The following TAF3 variants were observed in gnomAD, a reference collection of about 807,000 sequenced individuals.
The protein encoded by TAF3 is transcription initiation factor TFIID subunit 3.
Under a neutral mutation model 80.6 loss-of-function variants are expected in TAF3, and 7 were observed. The observed-to-expected ratio is 0.09, with a 90% confidence interval of 0.05 to 0.16. The LOEUF is 0.16. Among genes scored for constraint, TAF3 ranks in the 10% least tolerant of loss-of-function variants. The pLI, the probability that TAF3 is intolerant of heterozygous loss-of-function variation, is 1.00. For synonymous variants in TAF3, 444 were observed against 446.1 expected (o/e 1.00, Z 0.06); for missense variants, 921 against 1,140.2 (o/e 0.81, Z 2.77).
At chr10:7,843,666 T>C (rs1235741209) in intron 2 of TAF3, among the ~76,000 whole-genome samples, 1 of 147,600 alleles carries the variant, frequency 6.8e-6, no homozygotes, top group East Asian at 2.0e-4. Context: ...TTTTGAGCAC[T>C]GTGATCAGTC....
chr10:7,887,674 A>G (rs1012792870), intron 2 of TAF3, among the ~76,000 whole-genome samples: 43 of 152,324 alleles, frequency 2.8e-4, no homozygotes, highest in African/African-American at 8.7e-4. Flanking sequence ...ATGCTGAATC[A>G]TCTGAAGTCT....
rs962843661 is a variant in TAF3 at position 7,864,862 on chromosome 10, C to T, written c.409+40302C>T. 8.6e-5 allele frequency among the ~76,000 whole-genome samples: 13 copies of T among 151,414 alleles called. 1 individual carries two copies. In the East Asian group the frequency reaches 2.5e-3, roughly 29 times the overall value. ...TTTTATGTTTTGTACTCTTTGTGCCCTAAGAAATCTTTGCCTAGCCTAAGA... is the reference window on the plus strand; with the variant it reads ...TTTTATGTTTTGTACTCTTTGTGCCTTAAGAAATCTTTGCCTAGCCTAAGA... On this transcript the variant is annotated intron_variant, in intron 2 of 6. Transcript: ENST00000344293.
At chr10:8,001,022 T>C (rs549621561) in intron 4 of TAF3, among the ~76,000 whole-genome samples, 39 of 152,376 alleles carry the variant, frequency 2.6e-4, no homozygotes, top group Admixed American at 2.4e-3. Flanking sequence ...GTTCATCATC[T>C]ATGTAACCGA....
chr10:7,934,854 C>G (rs1588557493), intron 2 of TAF3, among the ~76,000 whole-genome samples: 1 of 152,208 alleles, frequency 6.6e-6, no homozygotes, highest in East Asian at 1.9e-4. Context: ...CAAAAATATT[C>G]ATTGAGCCCC....
chr10:7,863,626 A>AAAAATATATATAT (rs1218836662), intron 2 of TAF3, among the ~76,000 whole-genome samples: 1 of 48,098 alleles, frequency 2.1e-5, no homozygotes. Flanking sequence ...AAAAAAAAAA[A>AAAAATATATATAT]ATATATATAT....
At chr10:7,900,321 T>C (rs2131170619) in intron 2 of TAF3, among the ~76,000 whole-genome samples, 1 of 152,366 alleles carries the variant, frequency 6.6e-6, no homozygotes. Flanking sequence ...ATTATACTTT[T>C]AATGGAGGCA....
intron 2 of TAF3, among the ~76,000 whole-genome samples, chr10:7,930,444 A>G (rs1231947959): frequency 6.6e-6 from 1 of 152,170 alleles, no homozygotes; most frequent in Non-Finnish European, 1.5e-5. Flanking sequence ...GTACAAATTG[A>G]TTTTTCTGCT....
chr10:7,883,301 G>A (rs1034945804), intron 2 of TAF3, among the ~76,000 whole-genome samples: 1 of 152,140 alleles, frequency 6.6e-6, no homozygotes, highest in African/African-American at 2.4e-5. Flanking sequence ...TAGTTATTTT[G>A]TTAAATGTCT....
chr10:7,825,375 G>T (rs1028680022), intron 2 of TAF3, among the ~76,000 whole-genome samples: 4 of 152,132 alleles, frequency 2.6e-5, no homozygotes, highest in African/African-American at 9.7e-5. Context: ...CATTGTAAAG[G>T]TGTGCAGTTC....
intron 2 of TAF3, among the ~76,000 whole-genome samples, chr10:7,831,848 C>G (rs1836803790): frequency 6.6e-6 from 1 of 151,634 alleles, no homozygotes; most frequent in Non-Finnish European, 1.5e-5. Context: ...GTCCAGGAAA[C>G]CCTGGTTTCT....
chr10:7,983,456 G>A (rs1588576287), intron 4 of TAF3, among the ~76,000 whole-genome samples: 1 of 152,368 alleles, frequency 6.6e-6, no homozygotes, highest in East Asian at 1.9e-4. Flanking sequence ...GGATACTTTA[G>A]ATGTAACGTT....
chr10:7,927,022 TG>T (rs1837822429), intron 2 of TAF3, among the ~76,000 whole-genome samples: 1 of 152,060 alleles, frequency 6.6e-6, no homozygotes. Context: ...GGGTGGGGGA[TG>T]AACACAGAAA....
intron 2 of TAF3, among the ~76,000 whole-genome samples, chr10:7,829,386 G>C (rs1836776021): frequency 6.6e-6 from 1 of 152,074 alleles, no homozygotes; most frequent in African/African-American, 2.4e-5. Flanking sequence ...TCCTTTTTCT[G>C]TTTCTGGATC....
intron 4 of TAF3, among the ~76,000 whole-genome samples, chr10:7,989,538 G>A (rs1831813812): frequency 6.6e-6 from 1 of 152,142 alleles, no homozygotes; most frequent in African/African-American, 2.4e-5. Flanking sequence ...TAAGTATCAC[G>A]ATATTGCGTA....
chr10:7,960,247 T>A (rs1400135532), intron 2 of TAF3, among the ~76,000 whole-genome samples: 1 of 152,198 alleles, frequency 6.6e-6, no homozygotes, highest in Non-Finnish European at 1.5e-5. Context: ...GATTTTCTCA[T>A]GTTTATCTGT....
chr10:7,847,562 G>T (rs1836984002), intron 2 of TAF3, among the ~76,000 whole-genome samples: 1 of 152,032 alleles, frequency 6.6e-6, no homozygotes, highest in African/African-American at 2.4e-5. Flanking sequence ...TTCCGCCTCA[G>T]CCTTCTGGGT....
intron 2 of TAF3, among the ~76,000 whole-genome samples, chr10:7,961,727 T>G (rs966151164): frequency 2.0e-5 from 3 of 152,356 alleles, no homozygotes; most frequent in South Asian, 4.1e-4. Context: ...CATTGCAGAC[T>G]AAATGTTCAT....
chr10:7,866,270 C>T (rs1434502348), intron 2 of TAF3, among the ~76,000 whole-genome samples: 3 of 152,200 alleles, frequency 2.0e-5, no homozygotes, highest in Non-Finnish European at 4.4e-5. Context: ...AATAGGCAGG[C>T]TCTGCTTCCA....
At chr10:7,919,024 A>G (rs1449912448) in intron 2 of TAF3, among the ~76,000 whole-genome samples, 1 of 152,116 alleles carries the variant, frequency 6.6e-6, no homozygotes, top group Non-Finnish European at 1.5e-5. Context: ...GTTTAACAGG[A>G]AGGTGAAGGG....
Sources: gnomAD v4.1 joint callset for allele counts (sites outside exome capture counted in the v4.1 genomes callset) on GRCh38, gnomAD v4.1.1 for gene constraint, MANE v1.5 for transcripts, NCBI Gene and HGNC (gene_info 2026-07-23, HGNC 2026-07-21) for gene names.